Variants in MECOM observed in about 807,000 individuals in gnomAD.
MECOM encodes the protein MDS1 and EVI1 complex locus, also known as histone-lysine N-methyltransferase MECOM.
MECOM carries 13 observed loss-of-function variants against 116.3 expected under a neutral mutation model. The ratio of observed to expected loss-of-function variants is 0.11; its 90% confidence interval spans 0.07 to 0.18. The LOEUF (loss-of-function observed/expected upper bound fraction) is 0.18. MECOM is among the 10% of genes least tolerant of loss of function. The pLI, the probability that MECOM is intolerant of heterozygous loss-of-function variation, is 1.00. For missense variants in MECOM, 1,299 were observed against 1,509.0 expected, an observed-to-expected ratio of 0.86 and a Z score of 2.31; for synonymous variants, 528 against 535.2, an observed-to-expected ratio of 0.99 and a Z score of 0.19.
intron 1 of MECOM, among the ~76,000 whole-genome samples, chr3:169,626,608 T>C (rs1771404818): frequency 1.3e-5 from 2 of 152,314 alleles, no homozygotes; most frequent in South Asian, 4.1e-4. Context: ...CACACCAGCC[T>C]TCCTCTCCCT....
intron 2 of MECOM, among the ~76,000 whole-genome samples, chr3:169,265,711 T>C (rs1186063238): frequency 6.6e-6 from 1 of 152,218 alleles, no homozygotes; most frequent in East Asian, 1.9e-4. Context: ...TCACATGCTT[T>C]AGGAGAAATC....
At chr3:169,239,625 G>A (rs1754532120) in intron 2 of MECOM, among the ~76,000 whole-genome samples, 1 of 151,806 alleles carries the variant, frequency 6.6e-6, no homozygotes, top group African/African-American at 2.4e-5. Flanking sequence ...TATTTTGGGG[G>A]GTGTCCTAAT....
At chr3:169,651,495 C>A (rs1052106476) in intron 1 of MECOM, among the ~76,000 whole-genome samples, 12 of 152,006 alleles carry the variant, frequency 7.9e-5, no homozygotes. Flanking sequence ...GCATTTGCAG[C>A]GACCTGGATG....
chr3:169,359,080 C>T (rs1427713502), intron 2 of MECOM, among the ~76,000 whole-genome samples: 2 of 151,722 alleles, frequency 1.3e-5, no homozygotes, highest in African/African-American at 4.8e-5. Context: ...GTCTATAGCA[C>T]ATATCACATC....
intron 2 of MECOM, among the ~76,000 whole-genome samples, chr3:169,279,312 T>C (rs557341399): frequency 1.3e-5 from 2 of 152,194 alleles, no homozygotes; most frequent in Non-Finnish European, 2.9e-5. Flanking sequence ...TTGTTCACTG[T>C]CTGGAACATT....
At chr3:169,121,655 T>C (rs1006460076) in intron 6 of MECOM, among the ~76,000 whole-genome samples, 4 of 152,194 alleles carry the variant, frequency 2.6e-5, no homozygotes, top group Admixed American at 2.6e-4. Flanking sequence ...CGTAAAATTC[T>C]AACACTCTTT....
chr3:169,111,977 G>T (rs1458218593), intron 9 of MECOM, among the ~76,000 whole-genome samples: 5 of 151,948 alleles, frequency 3.3e-5, no homozygotes, highest in African/African-American at 1.2e-4. Flanking sequence ...CTATTTTTAA[G>T]AATTTTTATT....
intron 2 of MECOM, among the ~76,000 whole-genome samples, chr3:169,341,007 C>T (rs1216446818): frequency 6.6e-6 from 1 of 152,132 alleles, no homozygotes; most frequent in Non-Finnish European, 1.5e-5. Context: ...GCATTCTGAA[C>T]ATTAGACAGA....
chr3:169,362,497 C>T (rs575804206), intron 2 of MECOM, among the ~76,000 whole-genome samples: 10 of 151,892 alleles, frequency 6.6e-5, no homozygotes, highest in Admixed American at 5.9e-4. Context: ...AACCACTAGA[C>T]ATATGGCAAA....
intron 12 of MECOM, among the ~76,000 whole-genome samples, chr3:169,096,393 C>T (rs1274234729): frequency 6.6e-6 from 1 of 151,916 alleles, no homozygotes; most frequent in Non-Finnish European, 1.5e-5. Context: ...GCCTCAGCCT[C>T]CCGAGTAGCT....
chr3:169,648,405 G>A (rs1774446313), intron 1 of MECOM, among the ~76,000 whole-genome samples: 1 of 152,134 alleles, frequency 6.6e-6, no homozygotes, highest in Admixed American at 6.5e-5. Context: ...CATCTACCCA[G>A]TATTTTTAGG....
intron 2 of MECOM, among the ~76,000 whole-genome samples, chr3:169,291,240 C>T (rs1340013597): frequency 6.6e-6 from 1 of 152,174 alleles, no homozygotes; most frequent in Non-Finnish European, 1.5e-5. Context: ...ATTTCCCCCA[C>T]TTGAATAAGC....
In MECOM at chr3:169,226,307, G is replaced by T. The variant is rs139876947; in HGVS notation, c.376-82475C>A. On this transcript the variant is annotated intron_variant, in intron 2 of 16. Transcript: ENST00000651503. ...TAAAAAAAGAATAAGAGTAGAAGTG[G>T]AGTGTGAGTTTCCACAGGACCTATA... is the stretch of plus-strand genomic sequence containing the variant. 6.2e-3 allele frequency among the ~76,000 whole-genome samples: 948 copies of T among 152,274 alleles called. 9 individuals carry two copies. The highest frequency in any genetic ancestry group is 0.011 in the Non-Finnish European group (722 of 68,022).
At chr3:169,359,768 A>T (rs1375520418) in intron 2 of MECOM, among the ~76,000 whole-genome samples, 2 of 151,760 alleles carry the variant, frequency 1.3e-5, no homozygotes, top group Non-Finnish European at 2.9e-5. Context: ...TTCCAAGATT[A>T]AAAAAAGGCT....
chr3:169,191,792 A>AAGAAAGAGAGGG (rs1296781633), intron 2 of MECOM, among the ~76,000 whole-genome samples: 1 of 145,850 alleles, frequency 6.9e-6, no homozygotes, highest in Admixed American at 7.0e-5. Flanking sequence ...GAAAGAAAGA[A>AAGAAAGAGAGGG]AGGGAGGGAA....
intron 2 of MECOM, among the ~76,000 whole-genome samples, chr3:169,365,379 G>A (rs1226610910): frequency 3.9e-5 from 6 of 151,938 alleles, no homozygotes; most frequent in African/African-American, 9.7e-5. Context: ...ACTCTATATC[G>A]AGTGCATGTT....
intron 2 of MECOM, among the ~76,000 whole-genome samples, chr3:169,303,283 G>C (rs913582643): frequency 6.6e-6 from 1 of 152,032 alleles, no homozygotes; most frequent in Non-Finnish European, 1.5e-5. Context: ...GACACACATT[G>C]ATGGCATTTT....
rs1577257505 is a variant in MECOM at position 169,176,576 on chromosome 3, A to ATTT, written c.376-32745_376-32744insAAA. Among the ~76,000 whole-genome samples the ATTT allele has an allele frequency of 2.6e-5, 4 of 152,190 alleles. No individual in the cohort carries two copies. In the East Asian group the frequency reaches 7.7e-4, roughly 29 times the overall value. On this transcript the variant is annotated intron_variant, in intron 2 of 16. Transcript: ENST00000651503. ...GCATGGGCAAAGACTTCATGATGAAAACACCAAAAGTAATTTCAAAAAAAC... is the reference window on the plus strand; with the variant it reads ...GCATGGGCAAAGACTTCATGATGAAATTTACACCAAAAGTAATTTCAAAAAAAC...
chr3:169,089,334 T>A (rs1718911038), intron 15 of MECOM, 151 bp from the exon 16 acceptor site: 2 of 485,966 alleles, frequency 4.1e-6, no homozygotes, highest in Admixed American at 4.3e-5. Flanking sequence ...TTTTTATAAA[T>A]ACTTACAAAC....
Sources: gnomAD v4.1 joint callset for allele counts (sites outside exome capture counted in the v4.1 genomes callset) on GRCh38, gnomAD v4.1.1 for gene constraint, MANE v1.5 for transcripts, NCBI Gene and HGNC (gene_info 2026-07-23, HGNC 2026-07-21) for gene names.